Variants in CASP14 observed in about 807,000 individuals in gnomAD.
The protein encoded by CASP14 is caspase 14, also known as caspase-14.
CASP14 carries 27 observed loss-of-function variants against 28.4 expected under a neutral mutation model. The observed-to-expected ratio is 0.95, with a 90% CI of 0.70 to 1.31. The LOEUF is 1.31. Among genes scored for constraint, CASP14 ranks in the 50% most tolerant of loss-of-function variants. The probability of loss-of-function intolerance (pLI) is 0.00; values close to 1 mark genes in which losing one functional copy is unlikely to be tolerated. For missense variants in CASP14, 323 were observed against 312.8 expected, an observed-to-expected ratio of 1.03 and a Z score of -0.25; for synonymous variants, 115 against 118.6, an observed-to-expected ratio of 0.97 and a Z score of 0.20.
chr19:15,057,412 C>G lies in CASP14; in HGVS notation c.*1323C>G, dbSNP rs192295730. The stretch of plus-strand genomic sequence containing the variant: ...CCTGATTTTGAAACAACTTTCATGC[C>G]GGTCTTCTCTTCCCTGACATGTTAC... On this transcript the variant is annotated 3_prime_UTR_variant, in exon 7 of 7. Coordinates refer to ENST00000427043, the MANE Select transcript of CASP14 (RefSeq NM_012114.3). 6.6e-6 allele frequency: 1 copy of G among 152,416 alleles called. No homozygotes were observed. Among genetic ancestry groups the G allele is most frequent in the East Asian group, 1.9e-4 (1 of 5,188 alleles). The allele number at this position is 152,416 out of a possible 1,614,324, so 9.4% of individuals were successfully genotyped here.
At chr19:15,054,638 TC>T (rs1241588322) in intron 4 of CASP14, among the ~76,000 whole-genome samples, 1 of 112,088 alleles carries the variant, frequency 8.9e-6, no homozygotes, top group Admixed American at 8.3e-5. Flanking sequence ...CACAAAAGCA[TC>T]CTTTTTTTTT....
Position 15,057,048 on chromosome 19 carries a change from G to T in CASP14, c.*959G>T, listed in dbSNP as rs2046120902. ...TAATAAAAATTTTCCCTATCTCCAA[G>T]GTAGGAGCTTTCTGGAAGTTTCTAG... On this transcript the variant is annotated 3_prime_UTR_variant, in exon 7 of 7. Coordinates refer to ENST00000427043, the MANE Select transcript of CASP14 (RefSeq NM_012114.3). The T allele has an allele frequency of 6.6e-6, 1 of 152,034 alleles. No individual in the cohort carries two copies. Among genetic ancestry groups the T allele is most frequent in the South Asian group, 2.1e-4 (1 of 4,814 alleles). The allele number at this position is 152,034 out of a possible 1,614,324, so 9.4% of individuals were successfully genotyped here.
chr19:15,056,084 C>T lies in CASP14; in HGVS notation c.724C>T (p.Gln242Ter). ...QSTLRKRLYL[Q>*] The stretch of plus-strand genomic sequence containing the variant: ...CACCCTCCGGAAACGGCTGTATCTG[C>T]AGTAGAAGTAGAAAGACCAGGAGGA... Residue 242 changes from glutamine to a stop codon, truncating the protein, a stop_gained, in exon 7 of 7, where the codon CAG becomes TAG. Coordinates refer to ENST00000427043, the MANE Select transcript of CASP14 (RefSeq NM_012114.3). LOFTEE classifies it high-confidence loss of function. The T allele has an allele frequency of 1.9e-6, 3 of 1,592,890 alleles. No homozygotes were observed. The highest frequency in any genetic ancestry group is 8.6e-7 in the Non-Finnish European group (1 of 1,168,260).
intron 4 of CASP14, among the ~76,000 whole-genome samples, chr19:15,054,715 A>G (rs963965313): frequency 4.1e-5 from 6 of 146,606 alleles, no homozygotes; most frequent in African/African-American, 1.5e-4. Flanking sequence ...ATCTTGGCTC[A>G]CTGCAACCCC....
intron 4 of CASP14, 169 bp from the exon 5 acceptor site, chr19:15,054,989 G>A (rs1018026568): frequency 6.3e-5 from 38 of 606,186 alleles, no homozygotes; most frequent in Non-Finnish European, 1.5e-5. Flanking sequence ...TCCCAGGCTA[G>A]AGTGTAGTGG....
chr19:15,052,091 C>A (rs780729139), intron 1 of CASP14, 115 bp from the exon 2 acceptor site: 4 of 663,524 alleles, frequency 6.0e-6, no homozygotes, highest in Non-Finnish European at 7.7e-6. Flanking sequence ...CAGACCAAAT[C>A]CCCACCACTT....
chr19:15,050,987 T>C (rs890250467), intron 1 of CASP14, among the ~76,000 whole-genome samples: 9 of 151,884 alleles, frequency 5.9e-5, no homozygotes, highest in African/African-American at 1.9e-4. Flanking sequence ...GATTAATAGA[T>C]AAGTAGATGG....
In CASP14 at chr19:15,052,289, T is replaced by C. The variant is rs1377778287; in HGVS notation, c.27+11T>C. 4 of 1,583,368 alleles carry C rather than the reference T, an allele frequency of 2.5e-6. No individual in the cohort carries two copies. The highest frequency in any genetic ancestry group is 1.7e-4 in the Middle Eastern group (1 of 6,002). On this transcript the variant is annotated intron_variant, in intron 2 of 6. Transcript: ENST00000427043. Reference sequence around the variant, plus strand: ...CGGTCTTTGGAAGAGGTAGGCTGGGTGCAGGTTGAGGGGAGGGTGATCATC... The same window carrying C: ...CGGTCTTTGGAAGAGGTAGGCTGGGCGCAGGTTGAGGGGAGGGTGATCATC...
Position 15,053,635 on chromosome 19 carries a change from T to C in CASP14, c.177+4T>C, listed in dbSNP as rs2046101620. The C allele has an allele frequency of 6.2e-7, 1 of 1,614,040 alleles. No homozygotes were observed. Among genetic ancestry groups the C allele is most frequent in the African/African-American group, 1.3e-5 (1 of 75,016 alleles). On this transcript the variant is annotated splice_donor_region_variant and intron_variant, in intron 3 of 6. Coordinates refer to ENST00000427043, the MANE Select transcript of CASP14 (RefSeq NM_012114.3). ...GAAAAGAGACCCCACTGCCGAGGTA[T>C]TGGGGTGCCTACTCCAGGCCTGTTT...
intron 2 of CASP14, among the ~76,000 whole-genome samples, chr19:15,052,773 C>T (rs537479894): frequency 1.5e-4 from 23 of 150,834 alleles, no homozygotes; most frequent in Non-Finnish European, 2.4e-4. Flanking sequence ...CCACAAAATA[C>T]GACAACTGGA....
intron 1 of CASP14, among the ~76,000 whole-genome samples, chr19:15,051,961 T>C (rs1352414849): frequency 3.3e-5 from 5 of 151,930 alleles, no homozygotes; most frequent in Non-Finnish European, 5.9e-5. Context: ...GGGGACATTG[T>C]GGGGTAGGCT....
intron 1 of CASP14, among the ~76,000 whole-genome samples, chr19:15,049,918 G>GAGACAGAGATAATGAAGTCAGGCTTTCA: frequency 6.6e-6 from 1 of 152,032 alleles, no homozygotes; most frequent in Admixed American, 6.6e-5. Context: ...GGCCATGATG[G>GAGACAGAGATAATGAAGTCAGGCTTTCA]AGACAGAGAT....
intron 2 of CASP14, 129 bp from the exon 3 acceptor site, chr19:15,053,353 C>T: frequency 8.8e-7 from 1 of 1,132,112 alleles, no homozygotes; most frequent in Non-Finnish European, 1.3e-6. Flanking sequence ...AGCAATCCTC[C>T]CACCTCGGCC....
chr19:15,053,741 G>T lies in CASP14; in HGVS notation c.186G>T (p.Gln62His). ...TCTTCCTCTCACTCCAGCAATTCCA[G>T]GAAGAGCTGGAAAAATTCCAGCAGG... ...MKRDPTAEQFQEELEKFQQAI... is the reference protein window; with the variant it reads ...MKRDPTAEQFHEELEKFQQAI... The change falls in exon 4 of 7, where the codon CAG (glutamine) becomes CAT (histidine). Residue 62 changes from glutamine (Q) to histidine (H), a missense_variant. Transcript: ENST00000427043. 5 of 1,613,480 alleles carry T rather than the reference G, an allele frequency of 3.1e-6. No homozygotes were observed. Among genetic ancestry groups the T allele is most frequent in the Non-Finnish European group, 4.2e-6 (5 of 1,179,508 alleles).
chr19:15,053,682 AAGTGT>A (rs766768121), intron 3 of CASP14, 46 bp from the exon 4 acceptor site: 9 of 1,613,692 alleles, frequency 5.6e-6, no homozygotes, highest in Non-Finnish European at 7.6e-6. Context: ...ACTAGGTTGG[AAGTGT>A]AGGCTATGGG....
chr19:15,050,918 T>C lies in CASP14; in HGVS notation c.-47+1273T>C, dbSNP rs567476072. Reference sequence around the variant, plus strand: ...GATGAATAAAAGGATGGATGTTAAATTGGATTGATGGATGACTAGATAGAT... The same window carrying C: ...GATGAATAAAAGGATGGATGTTAAACTGGATTGATGGATGACTAGATAGAT... On this transcript the variant is annotated intron_variant, in intron 1 of 6. Transcript: ENST00000427043. Among the ~76,000 whole-genome samples the C allele has an allele frequency of 1.5e-3, 233 of 151,270 alleles. 2 individuals carry two copies. Among genetic ancestry groups the C allele is most frequent in the African/African-American group, 5.0e-3 (204 of 41,202 alleles).
At position 15,054,887 on chromosome 19, in the gene CASP14, T is replaced by C. The variant is rs3181161; in HGVS notation, c.404-271T>C. 0.46 allele frequency: 153,341 copies of C among 331,996 alleles called. 36,581 individuals carry two copies. Among genetic ancestry groups the C allele is most frequent in the African/African-American group, 0.59 (28,189 of 47,642 alleles). 20.6% of individuals were successfully genotyped at this position (331,996 alleles called of 1,614,324 possible). On this transcript the variant is annotated intron_variant, in intron 4 of 6. Coordinates refer to ENST00000427043, the MANE Select transcript of CASP14 (RefSeq NM_012114.3). ...AACTCCTGACCTCAGGTGATCTGCC[T>C]TCCTCAGCCTCCCAAAGTGCTGGGA...
chr19:15,052,336 T>C (rs1191133953), intron 2 of CASP14, 58 bp downstream of exon 2: 1 of 1,477,498 alleles, frequency 6.8e-7, no homozygotes, highest in Non-Finnish European at 9.1e-7. Flanking sequence ...AAGGTGAGGA[T>C]TTTAATGTTT....
rs2046121498 is a variant in CASP14 at position 15,057,166 on chromosome 19, C to T, written c.*1077C>T. On this transcript the variant is annotated 3_prime_UTR_variant, in exon 7 of 7. Transcript: ENST00000427043. Reference sequence around the variant, plus strand: ...TCGGCTTCACTATCTTCCAACTCTACAGCCTGTATCTCTCCATCCCCAGCT... The same window carrying T: ...TCGGCTTCACTATCTTCCAACTCTATAGCCTGTATCTCTCCATCCCCAGCT... 1 of 152,176 alleles carries T rather than the reference C, an allele frequency of 6.6e-6. No individual in the cohort carries two copies. 9.4% of individuals were successfully genotyped at this position (152,176 alleles called of 1,614,324 possible).
Sources: gnomAD v4.1 joint callset for allele counts (sites outside exome capture counted in the v4.1 genomes callset) on GRCh38, gnomAD v4.1.1 for gene constraint, MANE v1.5 for transcripts, NCBI Gene and HGNC (gene_info 2026-07-23, HGNC 2026-07-21) for gene names.